MARCHF10: variants seen among roughly 807,000 people sequenced by gnomAD.
MARCHF10 encodes probable E3 ubiquitin-protein ligase MARCHF10.
Under a neutral mutation model 76.2 loss-of-function variants are expected in MARCHF10, and 64 were observed. That is an observed-to-expected ratio of 0.84 (90% confidence interval 0.69 to 1.03). MARCHF10 has a LOEUF of 1.03. Ranked by LOEUF, MARCHF10 falls within the 50% of genes least tolerant of loss-of-function variation. MARCHF10 has a pLI of 0.00. For missense variants in MARCHF10, 875 were observed against 958.0 expected, an observed-to-expected ratio of 0.91 and a Z score of 1.14; for synonymous variants, 340 against 357.5, an observed-to-expected ratio of 0.95 and a Z score of 0.55.
chr17:62,730,920 A>G (rs1221826770), intron 6 of MARCHF10, among the ~76,000 whole-genome samples: 9 of 145,388 alleles, frequency 6.2e-5, no homozygotes, highest in East Asian at 4.0e-4. Flanking sequence ...CAACAACGAC[A>G]ACAACAAAAA....
At chr17:62,802,395 T>C (rs1465899257) in intron 1 of MARCHF10, among the ~76,000 whole-genome samples, 4 of 152,008 alleles carry the variant, frequency 2.6e-5, no homozygotes, top group Admixed American at 2.6e-4. Flanking sequence ...AATTTTTGTA[T>C]TTTTAGTAGA....
intron 9 of MARCHF10, among the ~76,000 whole-genome samples, chr17:62,708,997 G>A (rs1419218527): frequency 6.6e-6 from 1 of 152,192 alleles, no homozygotes; most frequent in East Asian, 1.9e-4. Flanking sequence ...TCTTGCACAG[G>A]TGCTACTTTC....
chr17:62,740,349 C>A (rs2091461378), intron 5 of MARCHF10, among the ~76,000 whole-genome samples: 1 of 152,076 alleles, frequency 6.6e-6, no homozygotes, highest in Non-Finnish European at 1.5e-5. Flanking sequence ...CAGAATGAAA[C>A]CAGAACAAGC....
At chr17:62,798,791 C>T (rs974449151) in intron 2 of MARCHF10, among the ~76,000 whole-genome samples, 1 of 152,174 alleles carries the variant, frequency 6.6e-6, no homozygotes, top group Admixed American at 6.5e-5. Flanking sequence ...TAAGCACGTT[C>T]GTGGACTGAG....
chr17:62,702,537 G>A lies in MARCHF10; in HGVS notation c.2372-779C>T, dbSNP rs375811349. ...AAAAATTAGCCAGGGGTGGTGGCGG[G>A]TGTCTGTAATCCCAGCTGCTTAGGA... On this transcript the variant is annotated intron_variant, in intron 10 of 10. Coordinates refer to ENST00000311269, the MANE Select transcript of MARCHF10 (RefSeq NM_152598.4). Among the ~76,000 whole-genome samples the A allele has an allele frequency of 8.5e-5, 13 of 152,172 alleles. 1 individual carries two copies. In the South Asian group the frequency reaches 1.5e-3, roughly 17 times the overall value.
intron 2 of MARCHF10, among the ~76,000 whole-genome samples, chr17:62,788,888 C>A (rs149581325): frequency 1.4e-5 from 2 of 147,658 alleles, no homozygotes; most frequent in African/African-American, 2.4e-5. Context: ...AAGGTGAAAC[C>A]CCGTCTCTAC....
intron 6 of MARCHF10, among the ~76,000 whole-genome samples, chr17:62,730,911 A>AACG (rs55716141): frequency 0.059 from 8,937 of 151,576 alleles, 290 homozygotes; most frequent in African/African-American, 0.092. Context: ...CAACAACAAC[A>AACG]ACAACGACAA....
In MARCHF10 at chr17:62,736,324, G is replaced by C. The variant is rs745719790; in HGVS notation, c.1544C>G (p.Pro515Arg). ...GGCAAATGGAGTCCTATTTCTAATG[G>C]GAGACAGTGGTTGGCAAACATGAAA... is the stretch of plus-strand genomic sequence containing the variant. ...SGFHVCQPLSPIRNRTPFASA... is the reference protein window; with the variant it reads ...SGFHVCQPLSRIRNRTPFASA... Residue 515 changes from proline (P) to arginine (R), a missense_variant, in exon 6 of 11, where the codon CCC becomes CGC. Pro to Arg is a moderately radical substitution (Grantham distance 103, BLOSUM62 -2). Coordinates refer to ENST00000311269, the MANE Select transcript of MARCHF10 (RefSeq NM_152598.4). The C allele has an allele frequency of 6.2e-7, 1 of 1,614,164 alleles. No individual in the cohort carries two copies. Among genetic ancestry groups the C allele is most frequent in the Non-Finnish European group, 8.5e-7 (1 of 1,180,024 alleles).
chr17:62,737,412 G>C, intron 5 of MARCHF10, 80 bp from the exon 6 acceptor site: 1 of 1,370,792 alleles, frequency 7.3e-7, no homozygotes, highest in Non-Finnish European at 1.0e-6. Context: ...GTGCAAAATT[G>C]CCCTTTAAAT....
chr17:62,782,415 T>G (rs1270862365), intron 3 of MARCHF10, among the ~76,000 whole-genome samples: 1 of 145,458 alleles, frequency 6.9e-6, no homozygotes, highest in Non-Finnish European at 1.5e-5. Flanking sequence ...TGGCACGATC[T>G]CAGCTTACTG....
At chr17:62,788,925 C>A (rs370882272) in intron 2 of MARCHF10, among the ~76,000 whole-genome samples, 1 of 151,312 alleles carries the variant, frequency 6.6e-6, no homozygotes, top group Admixed American at 6.6e-5. Flanking sequence ...TAGCCGGGCG[C>A]GGTGGCGGGC....
Position 62,725,248 on chromosome 17 carries a change from T to C in MARCHF10, c.1938-144A>G, listed in dbSNP as rs1004473669. 1.7e-5 allele frequency: 11 copies of C among 659,004 alleles called. No individual in the cohort carries two copies. In the Admixed American group the frequency reaches 3.3e-4, roughly 20 times the overall value. 40.8% of individuals were successfully genotyped at this position (659,004 alleles called of 1,614,324 possible). A position where few individuals can be genotyped will look rare whatever the true frequency, so the allele number is the denominator to read the frequency against. On this transcript the variant is annotated intron_variant, in intron 6 of 10. Transcript: ENST00000311269. Reference sequence around the variant, plus strand: ...CCTCTGACCCTAGTGAGATGATTTTTGATAACACAGGCACAAATTCTCTCT... The same window carrying C: ...CCTCTGACCCTAGTGAGATGATTTTCGATAACACAGGCACAAATTCTCTCT...
chr17:62,753,399 G>A (rs577388959), intron 4 of MARCHF10, among the ~76,000 whole-genome samples: 1 of 152,124 alleles, frequency 6.6e-6, no homozygotes, highest in African/African-American at 2.4e-5. Context: ...GAGCCACCAC[G>A]CCTGGCCCTA....
intron 6 of MARCHF10, chr17:62,735,048 T>C (rs1332039827): frequency 6.6e-6 from 1 of 152,140 alleles, no homozygotes; most frequent in Admixed American, 6.5e-5. Flanking sequence ...ATTACTGGAG[T>C]TGGATAAATG....
chr17:62,764,534 G>A (rs555431294), intron 3 of MARCHF10, among the ~76,000 whole-genome samples: 4 of 152,286 alleles, frequency 2.6e-5, no homozygotes, highest in Non-Finnish European at 2.9e-5. Context: ...ATAAAGGAGT[G>A]TGATCAAGGC....
Position 62,719,558 on chromosome 17 carries a change from T to C in MARCHF10, c.2214+2930A>G, listed in dbSNP as rs200073910. 1.4e-4 allele frequency among the ~76,000 whole-genome samples: 22 copies of C among 152,136 alleles called. No individual in the cohort carries two copies. In the East Asian group the frequency reaches 1.5e-3, roughly 11 times the overall value. ...TTTTCCCCTTTGGCCTCTTACAGGA[T>C]TTTTTCTTTATCTTTGATTTTTTTT... On this transcript the variant is annotated intron_variant, in intron 8 of 10. Coordinates refer to ENST00000311269, the MANE Select transcript of MARCHF10 (RefSeq NM_152598.4).
intron 10 of MARCHF10, chr17:62,705,186 T>C: frequency 8.2e-7 from 1 of 1,218,620 alleles, no homozygotes; most frequent in Non-Finnish European, 1.0e-6. Flanking sequence ...CCTAGAGGAA[T>C]CCTGGCAGTA....
chr17:62,784,760 A>T (rs988417016), intron 3 of MARCHF10, among the ~76,000 whole-genome samples: 1 of 152,194 alleles, frequency 6.6e-6, no homozygotes, highest in African/African-American at 2.4e-5. Flanking sequence ...ATCATGAGTG[A>T]ACTCTCATTC....
intron 1 of MARCHF10, among the ~76,000 whole-genome samples, chr17:62,805,964 GTC>G (rs1203167298): frequency 3.3e-5 from 5 of 151,684 alleles, no homozygotes; most frequent in Admixed American, 3.3e-4. Flanking sequence ...GCCTACAAAA[GTC>G]TCTCTTCCTT....
Sources: allele counts gnomAD v4.1 joint callset (sites outside exome capture counted in the v4.1 genomes callset), GRCh38; gene constraint gnomAD v4.1.1; transcripts MANE v1.5; gene names NCBI Gene and HGNC (gene_info 2026-07-23, HGNC 2026-07-21).